Variants in NOB1 observed in about 807,000 individuals in gnomAD.
NOB1 encodes NIN1 (RPN12) binding protein 1 homolog.
A neutral mutation model predicts 44.8 loss-of-function variants in NOB1; 44 were observed. The ratio of observed to expected loss-of-function variants is 0.98; its 90% CI spans 0.77 to 1.26. The LOEUF is 1.26. Ranked by LOEUF, NOB1 falls within the 50% of genes most tolerant of loss-of-function variation. The pLI is 0.00. For missense variants in NOB1, 560 were observed against 544.8 expected, an observed-to-expected ratio of 1.03 and a Z score of -0.28; for synonymous variants, 238 against 218.7, an observed-to-expected ratio of 1.09 and a Z score of -0.78.
At chr16:69,745,660 C>G (rs572361402) in intron 7 of NOB1, among the ~76,000 whole-genome samples, 46 of 152,334 alleles carry the variant, frequency 3.0e-4, no homozygotes, top group African/African-American at 1.0e-3. Flanking sequence ...CAAGCCCCGA[C>G]AGTGGACTCT....
chr16:69,744,759 G>T, intron 8 of NOB1, 114 bp downstream of exon 8: 1 of 1,234,938 alleles, frequency 8.1e-7, no homozygotes, highest in Non-Finnish European at 1.1e-6. Flanking sequence ...TGGTACCTAG[G>T]TCACAGGCTT....
intron 2 of NOB1, among the ~76,000 whole-genome samples, chr16:69,752,666 G>A (rs1199107252): frequency 2.6e-5 from 4 of 152,250 alleles, no homozygotes; most frequent in South Asian, 2.1e-4. Flanking sequence ...GGGGCCAGGC[G>A]TGGTGGCTCA....
Position 69,742,484 on chromosome 16 carries a change from C to T in NOB1, c.1087G>A (p.Ala363Thr), listed in dbSNP as rs200963044. 6.2e-5 allele frequency: 100 copies of T among 1,614,086 alleles called. No homozygotes were observed. The highest frequency in any genetic ancestry group is 7.5e-5 in the Non-Finnish European group (89 of 1,180,050). The change falls in exon 9 of 9, where the codon GCC becomes ACC. Residue 363 changes from alanine to threonine, a missense_variant. Ala to Thr is a moderately conservative substitution (Grantham distance 58). Coordinates refer to ENST00000268802, the MANE Select transcript of NOB1 (RefSeq NM_014062.3). Reference protein sequence around the residue: ...QKARQKTNVFAPDYIAGVSPF... With the variant: ...QKARQKTNVFTPDYIAGVSPF... ...GACACCCCGGCGATGTAGTCAGGGG[C>T]GAACACGTTGGTTTTCTGCCTGGCC...
chr16:69,745,114 A>G (rs1406290759), intron 7 of NOB1, 97 bp from the exon 8 acceptor site: 7 of 1,322,910 alleles, frequency 5.3e-6, no homozygotes, highest in Non-Finnish European at 7.4e-6. Flanking sequence ...GAGAAGAAAC[A>G]GGGAAGGGCT....
chr16:69,742,278 C>T lies in NOB1; in HGVS notation c.*54G>A, dbSNP rs1032351073. On this transcript the variant is annotated 3_prime_UTR_variant, in exon 9 of 9. Coordinates refer to ENST00000268802, the MANE Select transcript of NOB1 (RefSeq NM_014062.3). ...CGACACGGCTGGGGAAATGGGTCACCGGAACTCCACGGCGGCCAGACGCCC... is the reference window on the plus strand; with the variant it reads ...CGACACGGCTGGGGAAATGGGTCACTGGAACTCCACGGCGGCCAGACGCCC... The T allele has an allele frequency of 2.7e-5, 43 of 1,576,870 alleles. 1 individual carries two copies. The African/African-American group carries it at 3.9e-4, about 14-fold the overall frequency.
chr16:69,743,152 C>T (rs932158521), intron 8 of NOB1, among the ~76,000 whole-genome samples: 2 of 152,092 alleles, frequency 1.3e-5, no homozygotes, highest in African/African-American at 2.4e-5. Flanking sequence ...CAACGCGAGG[C>T]TCAAAATGAC....
intron 3 of NOB1, among the ~76,000 whole-genome samples, chr16:69,751,039 G>T (rs2038478448): frequency 6.6e-6 from 1 of 152,116 alleles, no homozygotes; most frequent in Non-Finnish European, 1.5e-5. Context: ...AGGAAGCAAG[G>T]TTCGAAAAAA....
chr16:69,752,118 C>A, intron 3 of NOB1, 123 bp downstream of exon 3: 1 of 867,102 alleles, frequency 1.2e-6, no homozygotes, highest in Non-Finnish European at 1.9e-6. Context: ...TACAGACTAG[C>A]TAAGAGATAA....
rs369887269 is a variant in NOB1 at position 69,745,057 on chromosome 16, A to G, written c.825-40T>C. The G allele has an allele frequency of 1.7e-5, 28 of 1,608,910 alleles. No homozygotes were observed. In the South Asian group the frequency reaches 2.7e-4, roughly 16 times the overall value. On this transcript the variant is annotated intron_variant, in intron 7 of 8. Transcript: ENST00000268802. ...AGGAGATGATCTGTACCAAAGCCAC[A>G]GGCAGCAAACGCCTCCCCAGAGCAC... is the stretch of plus-strand genomic sequence containing the variant.
chr16:69,742,305 T>C lies in NOB1; in HGVS notation c.*27A>G. On this transcript the variant is annotated 3_prime_UTR_variant, in exon 9 of 9. Transcript: ENST00000268802. ...GAACTCCACGGCGGCCAGACGCCCA[T>C]CCAATTTGCCTGCGGGAACTCGCTC... 2 of 1,600,776 alleles carry C rather than the reference T, an allele frequency of 1.2e-6. No individual in the cohort carries two copies. Among genetic ancestry groups the C allele is most frequent in the Non-Finnish European group, 1.7e-6 (2 of 1,170,286 alleles).
chr16:69,753,093 G>A (rs1229932188), intron 2 of NOB1, among the ~76,000 whole-genome samples: 1 of 152,140 alleles, frequency 6.6e-6, no homozygotes, highest in Admixed American at 6.5e-5. Flanking sequence ...GTGGTGGCGT[G>A]TGCCTGTAGT....
At chr16:69,748,722 G>A (rs762830048) in intron 6 of NOB1, 196 bp downstream of exon 6, 14 of 571,178 alleles carry the variant, frequency 2.5e-5, no homozygotes, top group African/African-American at 3.7e-5. Flanking sequence ...AACATTTAAT[G>A]TACTATACAA....
In NOB1 at chr16:69,749,227, G is replaced by C. The variant is rs775760815; in HGVS notation, c.511C>G (p.Leu171Val). The stretch of plus-strand genomic sequence containing the variant: ...CAAGGCCTCACCAGCAGCTCCTGCA[G>C]TTCATGATCGATGTTGGGCAAAGGG... The part of the protein sequence containing the change: ...RNPLPNIDHE[L>V]QELLIDRGED... Residue 171 changes from leucine (L) to valine (V), a missense_variant, in exon 5 of 9, where the codon CTG becomes GTG. Physicochemically the swap from Leu to Val is conservative, Grantham distance 32. Transcript: ENST00000268802. 1.9e-6 allele frequency: 3 copies of C among 1,613,162 alleles called. No homozygotes were observed. Among genetic ancestry groups the C allele is most frequent in the East Asian group, 4.5e-5 (2 of 44,900 alleles).
intron 2 of NOB1, 92 bp from the exon 3 acceptor site, chr16:69,752,463 T>C (rs2038490991): frequency 2.4e-6 from 3 of 1,276,250 alleles, no homozygotes; most frequent in South Asian, 2.8e-5. Flanking sequence ...TTAGAACAGA[T>C]CAAAATAATG....
intron 2 of NOB1, among the ~76,000 whole-genome samples, chr16:69,753,422 C>T (rs1309784105): frequency 6.6e-6 from 1 of 152,292 alleles, no homozygotes; most frequent in East Asian, 1.9e-4. Context: ...TCCTGCTACC[C>T]TGGTACAAGG....
In NOB1 at chr16:69,754,895, G is replaced by T; in HGVS notation, c.16C>A (p.His6Asn). The T allele has an allele frequency of 6.3e-7, 1 of 1,591,758 alleles. No individual in the cohort carries two copies. MAPVE[H>N]VVADAGAFLR... ...AAAGCCCCAGCATCCGCCACAACGT[G>T]CTCCACTGGAGCCATGTTGGCTGCG... is the stretch of plus-strand genomic sequence containing the variant. The change falls in exon 1 of 9, where the codon CAC (histidine) becomes AAC (asparagine). Residue 6 changes from histidine (H) to asparagine (N), a missense_variant. His to Asn is a moderately conservative substitution (Grantham distance 68). Transcript: ENST00000268802.
intron 7 of NOB1, 95 bp from the exon 8 acceptor site, chr16:69,745,112 A>C (rs558702036): frequency 1.5e-6 from 2 of 1,353,684 alleles, no homozygotes; most frequent in African/African-American, 2.9e-5. Context: ...AGGAGAAGAA[A>C]CAGGGAAGGG....
At chr16:69,748,106 A>G in intron 7 of NOB1, 126 bp downstream of exon 7, 1 of 628,486 alleles carries the variant, frequency 1.6e-6, no homozygotes, top group East Asian at 3.1e-5. Flanking sequence ...CAGAGGTTGC[A>G]GTGAGCTGAG....
In NOB1 at chr16:69,742,195, G is replaced by A; in HGVS notation, c.*137C>T. On this transcript the variant is annotated 3_prime_UTR_variant, in exon 9 of 9. Coordinates refer to ENST00000268802, the MANE Select transcript of NOB1 (RefSeq NM_014062.3). The stretch of plus-strand genomic sequence containing the variant: ...TTCCCTGCAGACCCAGCGGGGCATG[G>A]GCGGACAGAGCCGCACCGTGAAGCC... The A allele has an allele frequency of 8.8e-7, 1 of 1,134,304 alleles. No individual in the cohort carries two copies. Among genetic ancestry groups the A allele is most frequent in the South Asian group, 1.6e-5 (1 of 64,008 alleles). The allele number at this position is 1,134,304 out of a possible 1,614,324, so 70.3% of individuals were successfully genotyped here.
Sources: gnomAD v4.1 joint callset for allele counts (sites outside exome capture counted in the v4.1 genomes callset) on GRCh38, gnomAD v4.1.1 for gene constraint, MANE v1.5 for transcripts, NCBI Gene and HGNC (gene_info 2026-07-23, HGNC 2026-07-21) for gene names.